Variants in CCDC71L observed in about 807,000 individuals in gnomAD.
CCDC71L encodes the protein coiled-coil domain containing 71 like.
Under a neutral mutation model 10.2 loss-of-function variants are expected in CCDC71L, and 6 were observed. The observed-to-expected ratio is 0.59, with a 90% CI of 0.32 to 1.16. The LOEUF is 1.16. Among genes scored for constraint, CCDC71L ranks in the 50% most tolerant of loss-of-function variants. The pLI is 0.05. For missense variants in CCDC71L, 366 were observed against 383.4 expected (o/e 0.95, Z 0.38); for synonymous variants, 204 against 175.5 (o/e 1.16, Z -1.28).
chr7:106,660,871 C>A lies in CCDC71L; in HGVS notation c.26G>T (p.Arg9Leu). MRRSMKRR[R>L]RRRPVAPATA... ...GGCCGGGGCGACCGGGCGCCGGCGC[C>A]GCCGCCTCTTCATACTGCGCCGCAT... The change falls in exon 1 of 1, where the codon CGG becomes CTG. Residue 9 changes from arginine to leucine, a missense_variant. By Grantham distance (102) the Arg-to-Leu change is moderately radical. Coordinates refer to ENST00000523505, the MANE Select transcript of CCDC71L (RefSeq NM_175884.6). The surrounding 1 kb of genome is among the most constrained non-coding windows in gnomAD (Gnocchi z 7.5). 1 of 1,460,794 alleles carries A rather than the reference C, an allele frequency of 6.8e-7. No individual in the cohort carries two copies. Among genetic ancestry groups the A allele is most frequent in the Non-Finnish European group, 9.0e-7 (1 of 1,113,296 alleles). 90.5% of individuals were successfully genotyped at this position (1,460,794 alleles called of 1,614,324 possible).
rs770065862 is a variant in CCDC71L at position 106,660,576 on chromosome 7, C to T, written c.321G>A (p.Leu107=). Residue 107 remains leucine, a synonymous_variant, in exon 1 of 1, where the codon CTG becomes CTA. Transcript: ENST00000523505. The surrounding 1 kb of genome is among the most constrained non-coding windows in gnomAD (Gnocchi z 7.5). ...DVYGYSSCRA[L]VPDPPGPPTA... ...TAGGGGGCCCCGGGGGGTCGGGTAC[C>T]AGGGCCCGGCAGGAGGAGTAGCCGT... The T allele has an allele frequency of 8.3e-5, 128 of 1,551,264 alleles. No homozygotes were observed. Among genetic ancestry groups the T allele is most frequent in the Non-Finnish European group, 1.1e-4 (123 of 1,150,402 alleles).
Position 106,660,287 on chromosome 7 carries a change from G to A in CCDC71L, c.610C>T (p.Arg204Cys), listed in dbSNP as rs747933860. ...CTGCGCCGCGCTGCCGCCAGGCTGC[G>A]CTCGCCCCACACGTCGCTGCCGACG... Reference protein sequence around the residue: ...IRVGSDVWGERSLAAARRRAR... With the variant: ...IRVGSDVWGECSLAAARRRAR... The change falls in exon 1 of 1, where the codon CGC becomes TGC. Residue 204 changes from arginine to cysteine, a missense_variant. Coordinates refer to ENST00000523505, the MANE Select transcript of CCDC71L (RefSeq NM_175884.6). The surrounding 1 kb of genome is among the most constrained non-coding windows in gnomAD (Gnocchi z 7.5). The A allele has an allele frequency of 1.3e-6, 2 of 1,563,334 alleles. No individual in the cohort carries two copies. Among genetic ancestry groups the A allele is most frequent in the South Asian group, 1.1e-5 (1 of 88,010 alleles).
In CCDC71L at chr7:106,656,905, T is replaced by A. The variant is rs1792500745; in HGVS notation, c.*3284A>T. ...ACAAACAATTGTTTTCTAATGCGCT[T>A]AAGACATAACACTCTATCAAAAAAT... On this transcript the variant is annotated 3_prime_UTR_variant, in exon 1 of 1. Transcript: ENST00000523505. 6.6e-6 allele frequency: 1 copy of A among 152,196 alleles called. No individual in the cohort carries two copies. The highest frequency in any genetic ancestry group is 2.4e-5 in the African/African-American group (1 of 41,440). The allele number at this position is 152,196 out of a possible 1,614,324, so 9.4% of individuals were successfully genotyped here.
chr7:106,660,769 G>A lies in CCDC71L; in HGVS notation c.128C>T (p.Ser43Leu). 6.4e-7 allele frequency: 1 copy of A among 1,552,836 alleles called. No individual in the cohort carries two copies. Among genetic ancestry groups the A allele is most frequent in the East Asian group, 2.5e-5 (1 of 40,796 alleles). ...LEAREEKVVYSRSQLSLADST... is the reference protein window; with the variant it reads ...LEAREEKVVYLRSQLSLADST... The stretch of plus-strand genomic sequence containing the variant: ...GTCAGCCAGCGACAGTTGCGACCGC[G>A]AGTACACCACCTTCTCCTCCCGCGC... Residue 43 changes from serine to leucine, a missense_variant, in exon 1 of 1, where the codon TCG (serine) becomes TTG (leucine). Transcript: ENST00000523505. The surrounding 1 kb of genome is among the most constrained non-coding windows in gnomAD (Gnocchi z 7.5).
rs1225587354 is a variant in CCDC71L, at chr7:106,659,308, TA to T, written c.*880del. ...TCCAGTCGGATTCCAGTGACTCCTGTAACCAAAACCAGTTCTTCACAATTTA... is the reference window on the plus strand; with the variant it reads ...TCCAGTCGGATTCCAGTGACTCCTGTACCAAAACCAGTTCTTCACAATTTA... On this transcript the variant is annotated 3_prime_UTR_variant, in exon 1 of 1. Coordinates refer to ENST00000523505, the MANE Select transcript of CCDC71L (RefSeq NM_175884.6). The T allele has an allele frequency of 6.6e-6, 1 of 152,268 alleles. No homozygotes were observed. The highest frequency in any genetic ancestry group is 2.4e-5 in the African/African-American group (1 of 41,402). 9.4% of individuals were successfully genotyped at this position (152,268 alleles called of 1,614,324 possible). A position where few individuals can be genotyped will look rare whatever the true frequency, so the allele number is the denominator to read the frequency against.
chr7:106,657,894 TTAAAA>T lies in CCDC71L; in HGVS notation c.*2290_*2294del, dbSNP rs1792516853. 1 of 152,186 alleles carries T rather than the reference TTAAAA, an allele frequency of 6.6e-6. No individual in the cohort carries two copies. Among genetic ancestry groups the T allele is most frequent in the Admixed American group, 6.5e-5 (1 of 15,278 alleles). The allele number at this position is 152,186 out of a possible 1,614,324, so 9.4% of individuals were successfully genotyped here. A position where few individuals can be genotyped will look rare whatever the true frequency, so the allele number is the denominator to read the frequency against. On this transcript the variant is annotated 3_prime_UTR_variant, in exon 1 of 1. Transcript: ENST00000523505. ...GAGAGAAAAATGTCAAGAATCTCAG[TTAAAA>T]TAAATGAATGGTGTCAGTGGTTATG...
rs774588278 is a variant in CCDC71L at position 106,660,694 on chromosome 7, G to C, written c.203C>G (p.Thr68Arg). The stretch of plus-strand genomic sequence containing the variant: ...CTCCGCGTCCGAGCTCATGAACTCC[G>C]TGCTGCGGGGCATGAAGAGCTTGAA... ...DAFKLFMPRS[T>R]EFMSSDAELW... Residue 68 changes from threonine (T) to arginine (R), a missense_variant, in exon 1 of 1, where the codon ACG becomes AGG. By Grantham distance (71) the Thr-to-Arg change is moderately conservative. Transcript: ENST00000523505. This position sits in a 1 kb window ranked among gnomAD's most constrained non-coding sequence, Gnocchi z 7.5. The C allele has an allele frequency of 5.7e-6, 9 of 1,584,736 alleles. No individual in the cohort carries two copies. The highest frequency in any genetic ancestry group is 1.3e-5 in the African/African-American group (1 of 74,080).
In CCDC71L at chr7:106,660,455, G is replaced by C; in HGVS notation, c.442C>G (p.Arg148Gly). 8.2e-7 allele frequency: 1 copy of C among 1,226,842 alleles called. No homozygotes were observed. The highest frequency in any genetic ancestry group is 1.0e-6 in the Non-Finnish European group (1 of 985,510). The allele number at this position is 1,226,842 out of a possible 1,614,324, so 76.0% of individuals were successfully genotyped here. The change falls in exon 1 of 1, where the codon CGG (arginine) becomes GGG (glycine). Residue 148 changes from arginine (R) to glycine (G), a missense_variant. Physicochemically the swap from Arg to Gly is moderately radical, Grantham distance 125 (BLOSUM62 -2). Coordinates refer to ENST00000523505, the MANE Select transcript of CCDC71L (RefSeq NM_175884.6). This position sits in a 1 kb window ranked among gnomAD's most constrained non-coding sequence, Gnocchi z 7.5. ...RAAAARRRKP[R>G]PPPPPPPPPE... ...GGCGGCGGCGGTGGGGGTGGCGGCC[G>C]GGGCTTCCTCCTGCGGGCAGCGGCC...
At position 106,660,045 on chromosome 7, in the gene CCDC71L, C is replaced by G; in HGVS notation, c.*144G>C. 3 of 1,161,414 alleles carry G rather than the reference C, an allele frequency of 2.6e-6. No homozygotes were observed. The highest frequency in any genetic ancestry group is 3.6e-5 in the South Asian group (2 of 54,870). 71.9% of individuals were successfully genotyped at this position (1,161,414 alleles called of 1,614,324 possible). On this transcript the variant is annotated 3_prime_UTR_variant, in exon 1 of 1. Coordinates refer to ENST00000523505, the MANE Select transcript of CCDC71L (RefSeq NM_175884.6). The surrounding 1 kb of genome is among the most constrained non-coding windows in gnomAD (Gnocchi z 7.5). The stretch of plus-strand genomic sequence containing the variant: ...GCGGCCCGGGACAGGGACAACCATC[C>G]GGCAACTTCTTCGCGCGTAAAGTGC...
In CCDC71L at chr7:106,660,410, C is replaced by A. The variant is rs1357972026; in HGVS notation, c.487G>T (p.Ala163Ser). Residue 163 changes from alanine (A) to serine (S), a missense_variant, in exon 1 of 1, where the codon GCC (alanine) becomes TCC (serine). Physicochemically the swap from Ala to Ser is moderately conservative, Grantham distance 99 (BLOSUM62 1). Transcript: ENST00000523505. This position sits in a 1 kb window ranked among gnomAD's most constrained non-coding sequence, Gnocchi z 7.5. ...CAGGGCCCGGGGGCCACGGGCTTGG[C>A]CGGGCAGCTCTCCTCGGGGGGCGGC... Reference protein sequence around the residue: ...PPPPPEESCPAKPVAPGPCFG... With the variant: ...PPPPPEESCPSKPVAPGPCFG... 3 of 1,274,826 alleles carry A rather than the reference C, an allele frequency of 2.4e-6. No individual in the cohort carries two copies. The highest frequency in any genetic ancestry group is 4.2e-5 in the Admixed American group (1 of 23,750). 79.0% of individuals were successfully genotyped at this position (1,274,826 alleles called of 1,614,324 possible).
At position 106,659,453 on chromosome 7, in the gene CCDC71L, G is replaced by T. The variant is rs1338343870; in HGVS notation, c.*736C>A. 2 of 152,360 alleles carry T rather than the reference G, an allele frequency of 1.3e-5. No homozygotes were observed. Among genetic ancestry groups the T allele is most frequent in the African/African-American group, 4.8e-5 (2 of 41,340 alleles). The allele number at this position is 152,360 out of a possible 1,614,324, so 9.4% of individuals were successfully genotyped here. A position where few individuals can be genotyped will look rare whatever the true frequency, so the allele number is the denominator to read the frequency against. ...TTTCATGTGTATTCTACCATTTTTA[G>T]GAGCTCAGTAAATATAAACATTGTT... On this transcript the variant is annotated 3_prime_UTR_variant, in exon 1 of 1. Transcript: ENST00000523505.
chr7:106,657,915 A>T lies in CCDC71L; in HGVS notation c.*2274T>A, dbSNP rs1792517293. 1 of 152,212 alleles carries T rather than the reference A, an allele frequency of 6.6e-6. No homozygotes were observed. 9.4% of individuals were successfully genotyped at this position (152,212 alleles called of 1,614,324 possible). The stretch of plus-strand genomic sequence containing the variant: ...TCAGTTAAAATAAATGAATGGTGTC[A>T]GTGGTTATGTTTCAGTGGTGTGCTG... On this transcript the variant is annotated 3_prime_UTR_variant, in exon 1 of 1. Coordinates refer to ENST00000523505, the MANE Select transcript of CCDC71L (RefSeq NM_175884.6).
chr7:106,660,674 C>T lies in CCDC71L; in HGVS notation c.223G>A (p.Ala75Thr), dbSNP rs757848724. 1 of 1,585,960 alleles carries T rather than the reference C, an allele frequency of 6.3e-7. No homozygotes were observed. Among genetic ancestry groups the T allele is most frequent in the South Asian group, 1.2e-5 (1 of 86,742 alleles). The change falls in exon 1 of 1, where the codon GCG becomes ACG. Residue 75 changes from alanine to threonine, a missense_variant. Transcript: ENST00000523505. This position sits in a 1 kb window ranked among gnomAD's most constrained non-coding sequence, Gnocchi z 7.5. ...CTGCAGAGGAAGCTCCAGAGCTCCG[C>T]GTCCGAGCTCATGAACTCCGTGCTG... The part of the protein sequence containing the change: ...PRSTEFMSSD[A>T]ELWSFLCSLK...
Position 106,658,198 on chromosome 7 carries a change from T to G in CCDC71L, c.*1991A>C, listed in dbSNP as rs1392892040. 1 of 152,190 alleles carries G rather than the reference T, an allele frequency of 6.6e-6. No homozygotes were observed. The highest frequency in any genetic ancestry group is 1.5e-5 in the Non-Finnish European group (1 of 68,020). 9.4% of individuals were successfully genotyped at this position (152,190 alleles called of 1,614,324 possible). A position where few individuals can be genotyped will look rare whatever the true frequency, so the allele number is the denominator to read the frequency against. On this transcript the variant is annotated 3_prime_UTR_variant, in exon 1 of 1. Transcript: ENST00000523505. ...AATGGAAGCTAATAACCAAAAGATATGTCTAAGCTTCCTATCACAAATATA... is the reference window on the plus strand; with the variant it reads ...AATGGAAGCTAATAACCAAAAGATAGGTCTAAGCTTCCTATCACAAATATA...
At position 106,660,329 on chromosome 7, in the gene CCDC71L, T is replaced by C; in HGVS notation, c.568A>G (p.Thr190Ala). 1.3e-6 allele frequency: 2 copies of C among 1,509,194 alleles called. No homozygotes were observed. Among genetic ancestry groups the C allele is most frequent in the Non-Finnish European group, 1.8e-6 (2 of 1,138,420 alleles). 93.5% of individuals were successfully genotyped at this position (1,509,194 alleles called of 1,614,324 possible). A position where few individuals can be genotyped will look rare whatever the true frequency, so the allele number is the denominator to read the frequency against. Reference protein sequence around the residue: ...IWRAATPTLTTFPTIRVGSDV... With the variant: ...IWRAATPTLTAFPTIRVGSDV... ...CTGCCGACGCGGATGGTGGGGAAGG[T>C]GGTCAGCGTCGGGGTGGCCGCCCTC... The change falls in exon 1 of 1, where the codon ACC (threonine) becomes GCC (alanine). Residue 190 changes from threonine to alanine, a missense_variant. Physicochemically the swap from Thr to Ala is moderately conservative, Grantham distance 58 (BLOSUM62 0). Coordinates refer to ENST00000523505, the MANE Select transcript of CCDC71L (RefSeq NM_175884.6). This position sits in a 1 kb window ranked among gnomAD's most constrained non-coding sequence, Gnocchi z 7.5.
rs989128546 is a variant in CCDC71L, at chr7:106,660,442, G to A, written c.455C>T (p.Pro152Leu). 3.3e-6 allele frequency: 4 copies of A among 1,230,438 alleles called. No individual in the cohort carries two copies. Among genetic ancestry groups the A allele is most frequent in the Non-Finnish European group, 3.0e-6 (3 of 987,706 alleles). 76.2% of individuals were successfully genotyped at this position (1,230,438 alleles called of 1,614,324 possible). The change falls in exon 1 of 1, where the codon CCA becomes CTA. Residue 152 changes from proline (P) to leucine (L), a missense_variant. Pro to Leu is a moderately conservative substitution (Grantham distance 98). Coordinates refer to ENST00000523505, the MANE Select transcript of CCDC71L (RefSeq NM_175884.6). The surrounding 1 kb of genome is among the most constrained non-coding windows in gnomAD (Gnocchi z 7.5). ...ARRRKPRPPP[P>L]PPPPPEESCP... is the part of the protein sequence containing the mutation. ...GCTCTCCTCGGGGGGCGGCGGCGGT[G>A]GGGGTGGCGGCCGGGGCTTCCTCCT...
chr7:106,660,304 C>G lies in CCDC71L; in HGVS notation c.593G>C (p.Ser198Thr). The G allele has an allele frequency of 6.5e-7, 1 of 1,546,298 alleles. No homozygotes were observed. ...CAGGCTGCGCTCGCCCCACACGTCGCTGCCGACGCGGATGGTGGGGAAGGT... is the reference window on the plus strand; with the variant it reads ...CAGGCTGCGCTCGCCCCACACGTCGGTGCCGACGCGGATGGTGGGGAAGGT... ...LTTFPTIRVG[S>T]DVWGERSLAA... Residue 198 changes from serine (S) to threonine (T), a missense_variant, in exon 1 of 1, where the codon AGC (serine) becomes ACC (threonine). Coordinates refer to ENST00000523505, the MANE Select transcript of CCDC71L (RefSeq NM_175884.6). This position sits in a 1 kb window ranked among gnomAD's most constrained non-coding sequence, Gnocchi z 7.5.
rs1348380641 is a variant in CCDC71L, at chr7:106,660,302, C to T, written c.595G>A (p.Asp199Asn). The T allele has an allele frequency of 3.2e-6, 5 of 1,545,728 alleles. No homozygotes were observed. The highest frequency in any genetic ancestry group is 3.5e-6 in the Non-Finnish European group (4 of 1,157,122). ...GCCAGGCTGCGCTCGCCCCACACGT[C>T]GCTGCCGACGCGGATGGTGGGGAAG... ...TTFPTIRVGS[D>N]VWGERSLAAA... Residue 199 changes from aspartate (D) to asparagine (N), a missense_variant, in exon 1 of 1, where the codon GAC (aspartate) becomes AAC (asparagine). Transcript: ENST00000523505. The surrounding 1 kb of genome is among the most constrained non-coding windows in gnomAD (Gnocchi z 7.5).
Position 106,660,132 on chromosome 7 carries a change from G to T in CCDC71L, c.*57C>A, listed in dbSNP as rs960845625. 6.2e-6 allele frequency: 9 copies of T among 1,445,456 alleles called. No individual in the cohort carries two copies. The highest frequency in any genetic ancestry group is 6.0e-5 in the African/African-American group (4 of 67,102). The allele number at this position is 1,445,456 out of a possible 1,614,324, so 89.5% of individuals were successfully genotyped here. A position where few individuals can be genotyped will look rare whatever the true frequency, so the allele number is the denominator to read the frequency against. On this transcript the variant is annotated 3_prime_UTR_variant, in exon 1 of 1. Coordinates refer to ENST00000523505, the MANE Select transcript of CCDC71L (RefSeq NM_175884.6). This position sits in a 1 kb window ranked among gnomAD's most constrained non-coding sequence, Gnocchi z 7.5. ...TCGACTGACACTTGTTCATTCCTCC[G>T]GGCGGAAGGCCTGTCCCAAGGTCGG...
Sources: gnomAD v4.1 joint callset for allele counts on GRCh38, gnomAD v4.1.1 for gene constraint, Gnocchi (gnomAD v3.1) non-coding constraint, MANE v1.5 for transcripts, NCBI Gene and HGNC (gene_info 2026-07-23, HGNC 2026-07-21) for gene names.